The following MIR2052HG variants were observed in gnomAD, a reference collection of about 807,000 sequenced individuals.
The protein encoded by MIR2052HG is MIR2052 host gene.
intron 4 of MIR2052HG, among the ~76,000 whole-genome samples, chr8:74,727,072 T>C (rs190316869): frequency 9.8e-5 from 15 of 152,348 alleles, no homozygotes; most frequent in Non-Finnish European, 1.9e-4. Flanking sequence ...AAGAGACATA[T>C]GATGTCTGTT....
intron 2 of MIR2052HG, among the ~76,000 whole-genome samples, chr8:74,675,314 T>C (rs957134811): frequency 3.3e-5 from 5 of 152,076 alleles, no homozygotes; most frequent in African/African-American, 1.2e-4. Context: ...GCTGAACATG[T>C]ACATACTTTC....
At chr8:74,739,921 G>T (rs1336452270) in intron 4 of MIR2052HG, among the ~76,000 whole-genome samples, 3 of 152,038 alleles carry the variant, frequency 2.0e-5, no homozygotes, top group Non-Finnish European at 2.9e-5. Context: ...TTGGCAGATG[G>T]CTATACACTA....
intron 2 of MIR2052HG, among the ~76,000 whole-genome samples, chr8:74,631,035 T>C (rs1041169700): frequency 6.6e-6 from 1 of 152,220 alleles, no homozygotes; most frequent in African/African-American, 2.4e-5. Context: ...ATATCCAAGA[T>C]TTTAGGGATG....
rs553519500 is a variant in MIR2052HG at position 74,654,329 on chromosome 8, G to A, written n.216+41389G>A. ...TTAGATTATGGAGGGAAGGAGGCAG[G>A]GTGTACTGTTTGCACTCAGACAAAA... On this transcript the variant is annotated intron_variant and non_coding_transcript_variant, in intron 2 of 6. Transcript: ENST00000523442. Among the ~76,000 whole-genome samples the A allele has an allele frequency of 6.6e-5, 10 of 152,088 alleles. 2 individuals are homozygous for A. Among genetic ancestry groups the A allele is most frequent in the East Asian group, 5.8e-4 (3 of 5,160 alleles).
At chr8:74,670,768 A>T (rs1214042220) in intron 2 of MIR2052HG, among the ~76,000 whole-genome samples, 1 of 152,180 alleles carries the variant, frequency 6.6e-6, no homozygotes, top group East Asian at 1.9e-4. Flanking sequence ...CTAAGTCCAG[A>T]GTCAAGATTG....
At chr8:74,741,425 C>T (rs1188198639) in intron 4 of MIR2052HG, among the ~76,000 whole-genome samples, 1 of 152,160 alleles carries the variant, frequency 6.6e-6, no homozygotes, top group Non-Finnish European at 1.5e-5. Context: ...CCTTTTCTAA[C>T]CCTGGGAAAT....
At chr8:74,721,288 G>A (rs1465075945) in intron 4 of MIR2052HG, among the ~76,000 whole-genome samples, 1 of 152,170 alleles carries the variant, frequency 6.6e-6, no homozygotes, top group Admixed American at 6.5e-5. Flanking sequence ...CTAGCTGCAA[G>A]GAAAGCTATA....
At chr8:74,678,455 T>C (rs1415236715) in intron 2 of MIR2052HG, among the ~76,000 whole-genome samples, 1 of 148,328 alleles carries the variant, frequency 6.7e-6, no homozygotes, top group African/African-American at 2.5e-5. Flanking sequence ...CCCAGCTACT[T>C]GGGAGGCGGA....
At chr8:74,645,577 G>T (rs763375587) in intron 2 of MIR2052HG, among the ~76,000 whole-genome samples, 4 of 152,190 alleles carry the variant, frequency 2.6e-5, no homozygotes, top group Non-Finnish European at 1.5e-5. Context: ...GAGCCACTGC[G>T]CCCGGCCTAG....
chr8:74,609,258 A>G (rs763998001), intron 1 of MIR2052HG, among the ~76,000 whole-genome samples: 7 of 152,002 alleles, frequency 4.6e-5, no homozygotes, highest in Non-Finnish European at 1.0e-4. Context: ...GAAGAAATAG[A>G]TAACCTGAAT....
At position 74,755,983 on chromosome 8, in the gene MIR2052HG, C is replaced by T. The variant is rs146972016; in HGVS notation, n.465-2128C>T. On this transcript the variant is annotated intron_variant and non_coding_transcript_variant, in intron 5 of 6. Coordinates refer to ENST00000523442, the Ensembl canonical transcript of MIR2052HG. ...CTCTATAGGTTAAAGGTATGGTCTC[C>T]GACAAGGCTGCTCTTACTTCAGACA... Among the ~76,000 whole-genome samples, 175 of 152,170 alleles carry T rather than the reference C, an allele frequency of 1.2e-3. 1 individual carries two copies. Among genetic ancestry groups the T allele is most frequent in the African/African-American group, 3.8e-3 (156 of 41,500 alleles).
At chr8:74,749,351 C>T (rs955794556) in intron 4 of MIR2052HG, among the ~76,000 whole-genome samples, 1 of 151,916 alleles carries the variant, frequency 6.6e-6, no homozygotes, top group Non-Finnish European at 1.5e-5. Flanking sequence ...TATCACTACT[C>T]TGGAATATCT....
chr8:74,691,296 T>C (rs2128739934), intron 2 of MIR2052HG, among the ~76,000 whole-genome samples: 2 of 152,308 alleles, frequency 1.3e-5, no homozygotes, highest in East Asian at 3.9e-4. Context: ...TAAGAAAAGT[T>C]GATGCAGAAG....
chr8:74,671,684 G>C (rs1808994271), intron 2 of MIR2052HG, among the ~76,000 whole-genome samples: 1 of 152,130 alleles, frequency 6.6e-6, no homozygotes, highest in African/African-American at 2.4e-5. Context: ...AGCTATTCAA[G>C]TAGTGTGCTT....
chr8:74,664,061 G>A (rs893606894), intron 2 of MIR2052HG, among the ~76,000 whole-genome samples: 9 of 152,148 alleles, frequency 5.9e-5, no homozygotes, highest in Non-Finnish European at 1.3e-4. Flanking sequence ...TTGTAAGTGG[G>A]AGTTAAGCTA....
At chr8:74,652,801 C>A (rs866902320) in intron 2 of MIR2052HG, among the ~76,000 whole-genome samples, 1 of 152,088 alleles carries the variant, frequency 6.6e-6, no homozygotes, top group South Asian at 2.1e-4. Flanking sequence ...TGTGAACTGG[C>A]CACCAACAAG....
At chr8:74,611,170 C>A (rs77429070) in intron 1 of MIR2052HG, among the ~76,000 whole-genome samples, 1 of 151,842 alleles carries the variant, frequency 6.6e-6, no homozygotes, top group South Asian at 2.1e-4. Context: ...TTTGAATAGA[C>A]GCTACATCAG....
At chr8:74,629,704 A>G (rs1282142643) in intron 2 of MIR2052HG, among the ~76,000 whole-genome samples, 1 of 152,166 alleles carries the variant, frequency 6.6e-6, no homozygotes, top group African/African-American at 2.4e-5. Context: ...GCCCAGTACA[A>G]GGTATCTGAG....
At chr8:74,609,215 C>T (rs529324878) in intron 1 of MIR2052HG, among the ~76,000 whole-genome samples, 31 of 151,760 alleles carry the variant, frequency 2.0e-4, no homozygotes, top group Non-Finnish European at 1.9e-4. Flanking sequence ...GAACAAATAC[C>T]GTGAAAGATA....
Sources: allele counts gnomAD v4.1 joint callset (sites outside exome capture counted in the v4.1 genomes callset), GRCh38; gene constraint gnomAD v4.1.1; transcripts MANE v1.5; gene names NCBI Gene and HGNC (gene_info 2026-07-23, HGNC 2026-07-21).